Variants in SPMIP3 observed in about 807,000 individuals in gnomAD.
SPMIP3 encodes the protein sperm microtubule inner protein 3.
At chr1:244,373,181 G>A in the SPMIP3 span, among the ~76,000 whole-genome samples, 1 of 151,572 alleles carries the variant, frequency 6.6e-6, no homozygotes, top group Non-Finnish European at 1.5e-5. Flanking sequence ...AGGAGTTCCA[G>A]ACCAGGCTGG....
chr1:244,358,582 C>CAAA, the SPMIP3 span, among the ~76,000 whole-genome samples: 1 of 142,760 alleles, frequency 7.0e-6, no homozygotes. Flanking sequence ...GAGAGTGTCT[C>CAAA]AAAAAAAAAA....
At chr1:244,360,356 CT>C in the SPMIP3 span, among the ~76,000 whole-genome samples, 45 of 152,244 alleles carry the variant, frequency 3.0e-4, no homozygotes, top group Non-Finnish European at 5.6e-4. Flanking sequence ...ATCCAGCAGT[CT>C]CACTGCTGGG....
the SPMIP3 span, among the ~76,000 whole-genome samples, chr1:244,365,571 G>A: frequency 1.3e-5 from 2 of 152,066 alleles, no homozygotes; most frequent in African/African-American, 4.8e-5. Flanking sequence ...CCCAGTCTCG[G>A]GTATTTCTTC....
At chr1:244,372,587 G>A in the SPMIP3 span, among the ~76,000 whole-genome samples, 1 of 152,022 alleles carries the variant, frequency 6.6e-6, no homozygotes, top group Admixed American at 6.6e-5. Flanking sequence ...GGGACTACAG[G>A]TGCCCGCCAC....
chr1:244,378,489 C>T, the SPMIP3 span: 1 of 1,613,328 alleles, frequency 6.2e-7, no homozygotes, highest in Non-Finnish European at 8.5e-7. Flanking sequence ...CTTGACAATT[C>T]CACCCAAGAC....
At chr1:244,378,226 C>G in the SPMIP3 span, among the ~76,000 whole-genome samples, 4 of 152,044 alleles carry the variant, frequency 2.6e-5, no homozygotes, top group African/African-American at 9.7e-5. Context: ...GAGTGTGATA[C>G]GCATCACCTC....
At chr1:244,367,678 T>C in the SPMIP3 span, among the ~76,000 whole-genome samples, 7 of 152,192 alleles carry the variant, frequency 4.6e-5, 1 homozygote, top group Non-Finnish European at 1.5e-5. Context: ...CAGGGCCTGC[T>C]GTGCTCAGTT....
chr1:244,365,073 C>G, the SPMIP3 span, among the ~76,000 whole-genome samples: 17 of 152,300 alleles, frequency 1.1e-4, no homozygotes, highest in East Asian at 2.3e-3. Context: ...TGCGCCATTA[C>G]CCCTGAGACC....
chr1:244,384,229 G>A, the SPMIP3 span, among the ~76,000 whole-genome samples: 1 of 152,134 alleles, frequency 6.6e-6, no homozygotes, highest in African/African-American at 2.4e-5. Flanking sequence ...TTGAGACAGG[G>A]TCTCACTCCC....
chr1:244,367,754 T>C, the SPMIP3 span, among the ~76,000 whole-genome samples: 2 of 151,854 alleles, frequency 1.3e-5, no homozygotes, highest in African/African-American at 2.4e-5. Context: ...GAGTGGCCAA[T>C]GGAGGTTTGT....
chr1:244,372,455 T>TG, the SPMIP3 span, among the ~76,000 whole-genome samples: 197 of 151,960 alleles, frequency 1.3e-3, 2 homozygotes, highest in South Asian at 0.04. Context: ...TTTTTTTTTT[T>TG]TTTTTTGAGA....
the SPMIP3 span, among the ~76,000 whole-genome samples, chr1:244,379,837 G>A: frequency 6.6e-6 from 1 of 151,896 alleles, no homozygotes; most frequent in Non-Finnish European, 1.5e-5. Flanking sequence ...AAGTGGTGGT[G>A]CATGCCTGTA....
At chr1:244,363,276 C>T in the SPMIP3 span, among the ~76,000 whole-genome samples, 8 of 152,014 alleles carry the variant, frequency 5.3e-5, no homozygotes, top group Non-Finnish European at 1.0e-4. Flanking sequence ...GGCATGGTGG[C>T]AGGTGCCTAT....
At chr1:244,374,646 G>C in the SPMIP3 span, among the ~76,000 whole-genome samples, 1 of 133,262 alleles carries the variant, frequency 7.5e-6, no homozygotes, top group South Asian at 2.4e-4. Flanking sequence ...GCCCAGGCTG[G>C]AGTGCAGTGG....
the SPMIP3 span, chr1:244,375,397 G>A: frequency 6.2e-7 from 1 of 1,613,834 alleles, no homozygotes; most frequent in Non-Finnish European, 8.5e-7. Flanking sequence ...CCAAGGAAGA[G>A]ACGTTCAAGG....
chr1:244,364,769 C>T, the SPMIP3 span: 10 of 1,613,828 alleles, frequency 6.2e-6, no homozygotes, highest in Non-Finnish European at 7.6e-6. Flanking sequence ...ATAGTTCTTC[C>T]AGATGCACAG....
chr1:244,378,934 T>C, the SPMIP3 span, among the ~76,000 whole-genome samples: 1 of 152,164 alleles, frequency 6.6e-6, no homozygotes, highest in African/African-American at 2.4e-5. Flanking sequence ...TTTATTTTTA[T>C]TTTTATTTTT....
the SPMIP3 span, among the ~76,000 whole-genome samples, chr1:244,384,498 C>T: frequency 6.6e-6 from 1 of 152,198 alleles, no homozygotes; most frequent in Non-Finnish European, 1.5e-5. Context: ...GCCACCACAC[C>T]TGGCCAGGTT....
the SPMIP3 span, among the ~76,000 whole-genome samples, chr1:244,362,998 C>T: frequency 2.7e-5 from 4 of 150,242 alleles, no homozygotes; most frequent in East Asian, 8.1e-4. Flanking sequence ...CATGCACCTC[C>T]ACACCAGGCT....
Sources: gnomAD v4.1 joint callset for allele counts (sites outside exome capture counted in the v4.1 genomes callset) on GRCh38, gnomAD v4.1.1 for gene constraint, MANE v1.5 for transcripts, NCBI Gene and HGNC (gene_info 2026-07-23, HGNC 2026-07-21) for gene names.